CD79A: variants seen among roughly 807,000 people sequenced by gnomAD.
CD79A encodes CD79a molecule.
Under a neutral mutation model 27.4 loss-of-function variants are expected in CD79A, and 16 were observed. The ratio of observed to expected loss-of-function variants is 0.58; its 90% CI spans 0.40 to 0.89. The LOEUF (loss-of-function observed/expected upper bound fraction) is 0.89, where lower values mean the gene tolerates loss of function less well. Among genes scored for constraint, CD79A ranks in the 40% least tolerant of loss-of-function variants. CD79A has a pLI of 0.00. For missense variants in CD79A, 237 were observed against 299.7 expected (o/e 0.79, Z 1.55); for synonymous variants, 110 against 132.7 (o/e 0.83, Z 1.18).
In CD79A at chr19:41,879,378, A is replaced by G; in HGVS notation, c.379+89A>G. The G allele has an allele frequency of 7.3e-7, 1 of 1,375,422 alleles. No homozygotes were observed. The allele number at this position is 1,375,422 out of a possible 1,614,324, so 85.2% of individuals were successfully genotyped here. ...AAGTGGGGATAGAGCCAGTACCTTCAATGTGGGTTTCAAACCGGCTTGGAC... is the reference window on the plus strand; with the variant it reads ...AAGTGGGGATAGAGCCAGTACCTTCGATGTGGGTTTCAAACCGGCTTGGAC... On this transcript the variant is annotated intron_variant, in intron 2 of 4. Transcript: ENST00000221972. This position sits in a 1 kb window ranked among gnomAD's most constrained non-coding sequence, Gnocchi z 5.1.
Position 41,879,281 on chromosome 19 carries a change from G to A in CD79A, c.371G>A (p.Arg124His), listed in dbSNP as rs144367487. ...CAGCAGTCCTGCGGCACCTACCTCC[G>A]CGTGCGCCGTGAGTGGCCCAGCCCT... ...SYQQSCGTYLRVRQPPPRPFL... is the reference protein window; with the variant it reads ...SYQQSCGTYLHVRQPPPRPFL... Residue 124 changes from arginine (R) to histidine (H), a missense_variant, in exon 2 of 5, where the codon CGC becomes CAC. Coordinates refer to ENST00000221972, the MANE Select transcript of CD79A (RefSeq NM_001783.4). This position sits in a 1 kb window ranked among gnomAD's most constrained non-coding sequence, Gnocchi z 5.1. The A allele has an allele frequency of 1.8e-3, 2,973 of 1,612,416 alleles. 6 individuals are homozygous for A. Among genetic ancestry groups the A allele is most frequent in the Non-Finnish European group, 2.4e-3 (2,870 of 1,179,918 alleles).
rs377413910 is a variant in CD79A at position 41,879,322 on chromosome 19, T to G, written c.379+33T>G. ...GCCCAGCCCTGGCCCCTACTCCCAC[T>G]GTCCCGCTGGGGACACTCGGTTTAT... On this transcript the variant is annotated intron_variant, in intron 2 of 4. Transcript: ENST00000221972. This position sits in a 1 kb window ranked among gnomAD's most constrained non-coding sequence, Gnocchi z 5.1. 4.8e-5 allele frequency: 76 copies of G among 1,594,724 alleles called. No homozygotes were observed. The highest frequency in any genetic ancestry group is 5.8e-5 in the Non-Finnish European group (68 of 1,168,904).
intron 3 of CD79A, among the ~76,000 whole-genome samples, chr19:41,880,155 T>A (rs757601286): frequency 1.3e-5 from 2 of 151,986 alleles, no homozygotes; most frequent in Non-Finnish European, 2.9e-5. Flanking sequence ...GAGGATCACT[T>A]GAGGCCACAA....
Position 41,879,755 on chromosome 19 carries a change from C to A in CD79A, c.498+102C>A. 1.4e-6 allele frequency: 1 copy of A among 738,084 alleles called. No individual in the cohort carries two copies. Among genetic ancestry groups the A allele is most frequent in the Non-Finnish European group, 2.4e-6 (1 of 421,784 alleles). 45.7% of individuals were successfully genotyped at this position (738,084 alleles called of 1,614,324 possible). Reference sequence around the variant, plus strand: ...AGAGCCTGAGGTTCCCCATCCAAAACTTGGGAGAATGAAAGCACCCACCAT... The same window carrying A: ...AGAGCCTGAGGTTCCCCATCCAAAAATTGGGAGAATGAAAGCACCCACCAT... On this transcript the variant is annotated intron_variant, in intron 3 of 4. Coordinates refer to ENST00000221972, the MANE Select transcript of CD79A (RefSeq NM_001783.4). This position sits in a 1 kb window ranked among gnomAD's most constrained non-coding sequence, Gnocchi z 5.1.
At position 41,879,597 on chromosome 19, in the gene CD79A, G is replaced by A. The variant is rs2074209426; in HGVS notation, c.442G>A (p.Glu148Lys). The change falls in exon 3 of 5, where the codon GAG becomes AAG. Residue 148 changes from glutamate to lysine, a missense_variant. Coordinates refer to ENST00000221972, the MANE Select transcript of CD79A (RefSeq NM_001783.4). This position sits in a 1 kb window ranked among gnomAD's most constrained non-coding sequence, Gnocchi z 5.1. ...CACCAAGAACCGAATCATCACAGCC[G>A]AGGGGATCATCCTCCTGTTCTGCGC... ...EGTKNRIITAEGIILLFCAVV... is the reference protein window; with the variant it reads ...EGTKNRIITAKGIILLFCAVV... 3.1e-6 allele frequency: 5 copies of A among 1,612,394 alleles called. No individual in the cohort carries two copies. Among genetic ancestry groups the A allele is most frequent in the South Asian group, 1.1e-5 (1 of 90,732 alleles).
At position 41,878,765 on chromosome 19, in the gene CD79A, C is replaced by T. The variant is rs929109030; in HGVS notation, c.80-225C>T. ...TTCTCCTCTCCCAGGATATCCTCAC[C>T]CACCCCAACCAGGTATGTCCTCTCT... On this transcript the variant is annotated intron_variant, in intron 1 of 4. Transcript: ENST00000221972. This position sits in a 1 kb window ranked among gnomAD's most constrained non-coding sequence, Gnocchi z 4.3. Among the ~76,000 whole-genome samples, 2 of 152,042 alleles carry T rather than the reference C, an allele frequency of 1.3e-5. No individual in the cohort carries two copies. Among genetic ancestry groups the T allele is most frequent in the African/African-American group, 4.8e-5 (2 of 41,378 alleles).
Position 41,878,173 on chromosome 19 carries a change from C to T in CD79A, c.79+790C>T, listed in dbSNP as rs988859504. Among the ~76,000 whole-genome samples the T allele has an allele frequency of 1.3e-5, 2 of 152,146 alleles. No individual in the cohort carries two copies. The highest frequency in any genetic ancestry group is 2.9e-5 in the Non-Finnish European group (2 of 68,034). ...TCAGAGACACCCCCAGTCTCCACCC[C>T]GCTCTGAGCCCCTTCAATCACCAGC... On this transcript the variant is annotated intron_variant, in intron 1 of 4. Transcript: ENST00000221972. The surrounding 1 kb of genome is among the most constrained non-coding windows in gnomAD (Gnocchi z 4.3).
Position 41,881,074 on chromosome 19 carries a change from TG to T in CD79A, c.*99del. 1 of 816,180 alleles carries T rather than the reference TG, an allele frequency of 1.2e-6. No individual in the cohort carries two copies. The highest frequency in any genetic ancestry group is 1.4e-5 in the South Asian group (1 of 69,486). The allele number at this position is 816,180 out of a possible 1,614,324, so 50.6% of individuals were successfully genotyped here. On this transcript the variant is annotated 3_prime_UTR_variant, in exon 5 of 5. Coordinates refer to ENST00000221972, the MANE Select transcript of CD79A (RefSeq NM_001783.4). The stretch of plus-strand genomic sequence containing the variant: ...TGGGACATTCTCCTTTCAGCCCTTC[TG>T]GGGGCTTCCTTAGTCATATTCCCCC...
chr19:41,881,121 C>T lies in CD79A; in HGVS notation c.*141C>T, dbSNP rs1040830661. 47 of 704,524 alleles carry T rather than the reference C, an allele frequency of 6.7e-5. No homozygotes were observed. The highest frequency in any genetic ancestry group is 1.2e-4 in the Non-Finnish European group (46 of 391,842). 43.6% of individuals were successfully genotyped at this position (704,524 alleles called of 1,614,324 possible). A position where few individuals can be genotyped will look rare whatever the true frequency, so the allele number is the denominator to read the frequency against. On this transcript the variant is annotated 3_prime_UTR_variant, in exon 5 of 5. Coordinates refer to ENST00000221972, the MANE Select transcript of CD79A (RefSeq NM_001783.4). ...CCCCCAGTGGGGGGTGGGAGGGTAA[C>T]CTCACTCTTCTCCAGGCCAGGCCTC...
chr19:41,880,465 GAA>G (rs2074216331), intron 3 of CD79A, among the ~76,000 whole-genome samples: 1 of 145,336 alleles, frequency 6.9e-6, no homozygotes, highest in Non-Finnish European at 1.5e-5. Flanking sequence ...AGGAAGGAAG[GAA>G]GGAAGGAAGG....
rs2074222552 is a variant in CD79A, at chr19:41,881,181, C to G, written c.*201C>G. On this transcript the variant is annotated 3_prime_UTR_variant, in exon 5 of 5. Coordinates refer to ENST00000221972, the MANE Select transcript of CD79A (RefSeq NM_001783.4). ...CCCTGGGGGTGTCCCACTCTTCTTC[C>G]CTCTAAACTGCCCCACCTCCTAACC... is the stretch of plus-strand genomic sequence containing the variant. 2 of 627,768 alleles carry G rather than the reference C, an allele frequency of 3.2e-6. No individual in the cohort carries two copies. The highest frequency in any genetic ancestry group is 3.6e-5 in the African/African-American group (2 of 55,274). The allele number at this position is 627,768 out of a possible 1,614,324, so 38.9% of individuals were successfully genotyped here.
At chr19:41,880,375 AAGAG>A (rs1277491929) in intron 3 of CD79A, among the ~76,000 whole-genome samples, 1 of 142,002 alleles carries the variant, frequency 7.0e-6, no homozygotes, top group African/African-American at 2.6e-5. Context: ...AGGGAGAAGA[AAGAG>A]AGAGAGAGAG....
chr19:41,877,477 G>A lies in CD79A; in HGVS notation c.79+94G>A, dbSNP rs1030097942. 11 of 1,043,596 alleles carry A rather than the reference G, an allele frequency of 1.1e-5. No individual in the cohort carries two copies. The African/African-American group carries it at 1.6e-4, about 15-fold the overall frequency. The allele number at this position is 1,043,596 out of a possible 1,614,324, so 64.6% of individuals were successfully genotyped here. A position where few individuals can be genotyped will look rare whatever the true frequency, so the allele number is the denominator to read the frequency against. On this transcript the variant is annotated intron_variant, in intron 1 of 4. Coordinates refer to ENST00000221972, the MANE Select transcript of CD79A (RefSeq NM_001783.4). The surrounding 1 kb of genome is among the most constrained non-coding windows in gnomAD (Gnocchi z 4.1). ...GCAGAGGGAAGGGGGCTCAGGGAAA[G>A]GGGAAGAGGAGGCAGAGGATAGGGG...
In CD79A at chr19:41,878,877, C is replaced by T; in HGVS notation, c.80-113C>T. ...GTCAGGGGCTCTCTCTCTCCCTCCC[C>T]ACCCAGGAGAGTCCTCACCCTCTTC... On this transcript the variant is annotated intron_variant, in intron 1 of 4. Transcript: ENST00000221972. The surrounding 1 kb of genome is among the most constrained non-coding windows in gnomAD (Gnocchi z 4.3). 3 of 815,868 alleles carry T rather than the reference C, an allele frequency of 3.7e-6. No homozygotes were observed. Among genetic ancestry groups the T allele is most frequent in the South Asian group, 1.5e-5 (1 of 66,038 alleles). 50.5% of individuals were successfully genotyped at this position (815,868 alleles called of 1,614,324 possible). A position where few individuals can be genotyped will look rare whatever the true frequency, so the allele number is the denominator to read the frequency against.
Position 41,880,922 on chromosome 19 carries a change from G to A in CD79A, c.623G>A (p.Gly208Asp), listed in dbSNP as rs1600633089. 6.2e-7 allele frequency: 1 copy of A among 1,603,968 alleles called. No individual in the cohort carries two copies. The highest frequency in any genetic ancestry group is 8.5e-7 in the Non-Finnish European group (1 of 1,176,158). ...GAGGACATCTCCCGGGGCCTCCAGG[G>A]CACCTACCAGGATGTGGGCAGCCTC... Reference protein sequence around the residue: ...MYEDISRGLQGTYQDVGSLNI... With the variant: ...MYEDISRGLQDTYQDVGSLNI... Residue 208 changes from glycine (G) to aspartate (D), a missense_variant, in exon 5 of 5, where the codon GGC (glycine) becomes GAC (aspartate). Transcript: ENST00000221972.
chr19:41,877,360 T>G lies in CD79A; in HGVS notation c.56T>G (p.Phe19Cys), dbSNP rs1449893471. Residue 19 changes from phenylalanine (F) to cysteine (C), a missense_variant, in exon 1 of 5, where the codon TTC becomes TGC. Physicochemically the swap from Phe to Cys is radical, Grantham distance 205. Coordinates refer to ENST00000221972, the MANE Select transcript of CD79A (RefSeq NM_001783.4). The surrounding 1 kb of genome is among the most constrained non-coding windows in gnomAD (Gnocchi z 4.1). ...QALPATIFLLFLLSAVYLGPG... is the reference protein window; with the variant it reads ...QALPATIFLLCLLSAVYLGPG... The stretch of plus-strand genomic sequence containing the variant: ...CTGCCTGCCACCATCTTCCTCCTCT[T>G]CCTGCTGTCTGCTGTCTACCTGGGT... The G allele has an allele frequency of 6.2e-7, 1 of 1,614,018 alleles. No individual in the cohort carries two copies. Among genetic ancestry groups the G allele is most frequent in the Admixed American group, 1.7e-5 (1 of 60,000 alleles).
rs2123308105 is a variant in CD79A at position 41,880,931 on chromosome 19, A to G, written c.632A>G (p.Gln211Arg). Reference protein sequence around the residue: ...DISRGLQGTYQDVGSLNIGDV... With the variant: ...DISRGLQGTYRDVGSLNIGDV... ...TCCCGGGGCCTCCAGGGCACCTACC[A>G]GGATGTGGGCAGCCTCAACATAGGA... The change falls in exon 5 of 5, where the codon CAG (glutamine) becomes CGG (arginine). Residue 211 changes from glutamine to arginine, a missense_variant. Gln to Arg is a conservative substitution (Grantham distance 43, BLOSUM62 1). Transcript: ENST00000221972. The G allele has an allele frequency of 2.5e-6, 4 of 1,602,010 alleles. No homozygotes were observed. The South Asian group carries it at 4.5e-5, about 18-fold the overall frequency.
At position 41,879,569 on chromosome 19, in the gene CD79A, G is replaced by A. The variant is rs781783087; in HGVS notation, c.414G>A (p.Glu138=). 3 of 1,611,444 alleles carry A rather than the reference G, an allele frequency of 1.9e-6. No individual in the cohort carries two copies. In the East Asian group the frequency reaches 6.7e-5, roughly 36 times the overall value. ...PPPRPFLDMG[E]GTKNRIITAE... is the part of the protein sequence containing the mutation. ...CCAGGCCCTTCCTGGACATGGGGGAGGGCACCAAGAACCGAATCATCACAG... is the reference window on the plus strand; with the variant it reads ...CCAGGCCCTTCCTGGACATGGGGGAAGGCACCAAGAACCGAATCATCACAG... Residue 138 remains glutamate (E), a synonymous_variant, in exon 3 of 5, where the codon GAG becomes GAA. Transcript: ENST00000221972. This position sits in a 1 kb window ranked among gnomAD's most constrained non-coding sequence, Gnocchi z 5.1.
chr19:41,880,440 A>ACGG (rs2074215230), intron 3 of CD79A, among the ~76,000 whole-genome samples: 1 of 83,030 alleles, frequency 1.2e-5, no homozygotes. Context: ...GGAGGGAGGG[A>ACGG]AGGAAGGGAA....
Sources: allele counts gnomAD v4.1 joint callset (sites outside exome capture counted in the v4.1 genomes callset), GRCh38; gene constraint gnomAD v4.1.1; non-coding constraint Gnocchi (gnomAD v3.1); transcripts MANE v1.5; gene names NCBI Gene and HGNC (gene_info 2026-07-23, HGNC 2026-07-21).